THSD7B: variants seen among roughly 807,000 people sequenced by gnomAD.
THSD7B encodes thrombospondin type 1 domain containing 7B, also known as thrombospondin type-1 domain-containing protein 7B.
A neutral mutation model predicts 213.6 loss-of-function variants in THSD7B; 138 were observed. The ratio of observed to expected loss-of-function variants is 0.65; its 90% CI spans 0.56 to 0.74. The LOEUF (loss-of-function observed/expected upper bound fraction) is 0.74. THSD7B is among the 30% of genes least tolerant of loss of function. The probability of loss-of-function intolerance (pLI) is 0.00; values close to 1 mark genes in which losing one functional copy is unlikely to be tolerated. For missense variants in THSD7B, 1,931 were observed against 1,991.5 expected (o/e 0.97, Z 0.58); for synonymous variants, 742 against 687.0 (o/e 1.08, Z -1.25).
chr2:137,412,621 C>CAAAAAAAAA (rs199913921), intron 14 of THSD7B, among the ~76,000 whole-genome samples: 1 of 103,804 alleles, frequency 9.6e-6, no homozygotes, highest in Non-Finnish European at 1.9e-5. Flanking sequence ...CAAAAAAAAA[C>CAAAAAAAAA]AAAAAACAGT....
chr2:136,799,444 T>G (rs1415828750), intron 1 of THSD7B, among the ~76,000 whole-genome samples: 1 of 152,042 alleles, frequency 6.6e-6, no homozygotes, highest in Non-Finnish European at 1.5e-5. Flanking sequence ...TCCATTTTTT[T>G]GTAATCCATC....
intron 12 of THSD7B, among the ~76,000 whole-genome samples, chr2:137,334,926 T>C (rs909717939): frequency 2.6e-5 from 4 of 152,190 alleles, no homozygotes; most frequent in Non-Finnish European, 4.4e-5. Context: ...GATGGTTTTA[T>C]AAGCATCTGG....
At chr2:136,854,636 A>G (rs992176455) in intron 1 of THSD7B, among the ~76,000 whole-genome samples, 2 of 151,684 alleles carry the variant, frequency 1.3e-5, no homozygotes, top group South Asian at 2.1e-4. Flanking sequence ...GGAAAGGGAT[A>G]AGAAAGAAAG....
chr2:137,598,702 A>G (rs1682013169), intron 17 of THSD7B, among the ~76,000 whole-genome samples: 1 of 152,222 alleles, frequency 6.6e-6, no homozygotes, highest in Non-Finnish European at 1.5e-5. Context: ...GAACAGTTGT[A>G]CCATAAATCA....
chr2:136,807,523 T>TTTTTTTTTTTTTTTTG (rs1682304786), intron 1 of THSD7B, among the ~76,000 whole-genome samples: 1 of 148,056 alleles, frequency 6.8e-6, no homozygotes, highest in African/African-American at 2.5e-5. Flanking sequence ...TTTTTTTTTT[T>TTTTTTTTTTTTTTTTG]TTGAGACGGA....
At chr2:136,904,881 G>A (rs522431) in intron 2 of THSD7B, among the ~76,000 whole-genome samples, 65,306 of 152,076 alleles carry the variant, frequency 0.43, 15,616 homozygotes, top group Non-Finnish European at 0.55. Flanking sequence ...TTTTGTTTTT[G>A]CTCTTCTGAG....
chr2:136,872,931 T>C (rs948739888), intron 1 of THSD7B, among the ~76,000 whole-genome samples: 7 of 143,298 alleles, frequency 4.9e-5, no homozygotes, highest in Non-Finnish European at 9.0e-5. Context: ...GTTGCATAAC[T>C]GCTAAATTGC....
At chr2:137,452,139 ATTC>A in intron 15 of THSD7B, 1 of 458,734 alleles carries the variant, frequency 2.2e-6, no homozygotes, top group Non-Finnish European at 2.9e-6. Flanking sequence ...TTAAAAAAAA[ATTC>A]AACAAGATAT....
intron 14 of THSD7B, among the ~76,000 whole-genome samples, chr2:137,433,743 C>T (rs1042565956): frequency 1.0e-5 from 1 of 95,654 alleles, no homozygotes. Flanking sequence ...ATGACATTTA[C>T]ATTAAAATAA....
intron 14 of THSD7B, among the ~76,000 whole-genome samples, chr2:137,449,187 G>A (rs1038471089): frequency 1.3e-5 from 2 of 152,230 alleles, no homozygotes; most frequent in East Asian, 1.9e-4. Context: ...ATTATTCTGG[G>A]CCAGAAATGG....
At chr2:137,396,622 GA>G (rs1314938334) in intron 12 of THSD7B, among the ~76,000 whole-genome samples, 7 of 139,220 alleles carry the variant, frequency 5.0e-5, no homozygotes, top group African/African-American at 1.6e-4. Context: ...GTGTGGTGCT[GA>G]AAAAAATGTA....
chr2:136,930,767 A>C, intron 2 of THSD7B, among the ~76,000 whole-genome samples: 1 of 152,222 alleles, frequency 6.6e-6, no homozygotes, highest in East Asian at 1.9e-4. Flanking sequence ...GATATTTTAA[A>C]GAATCGGCCT....
At chr2:137,208,797 G>GGTA (rs999697843) in intron 7 of THSD7B, among the ~76,000 whole-genome samples, 1 of 152,078 alleles carries the variant, frequency 6.6e-6, no homozygotes, top group African/African-American at 2.4e-5. Flanking sequence ...CATGGGGCTG[G>GGTA]GTAGAGTCAG....
chr2:137,512,323 GT>G (rs1254872607), intron 15 of THSD7B: 1 of 148,212 alleles, frequency 6.7e-6, no homozygotes, highest in African/African-American at 2.5e-5. Flanking sequence ...ATCATTCATG[GT>G]ATCAGAATAT....
chr2:137,633,490 G>C (rs979105108), intron 20 of THSD7B, among the ~76,000 whole-genome samples: 4 of 152,222 alleles, frequency 2.6e-5, no homozygotes, highest in East Asian at 1.9e-4. Context: ...CTAATAACTA[G>C]AGCGTAGTAT....
At chr2:136,928,677 A>G (rs1377636086) in intron 2 of THSD7B, among the ~76,000 whole-genome samples, 1 of 152,238 alleles carries the variant, frequency 6.6e-6, no homozygotes, top group African/African-American at 2.4e-5. Flanking sequence ...TAATTGAATG[A>G]TATGCATCTT....
At chr2:137,239,846 G>A (rs1424388810) in intron 9 of THSD7B, among the ~76,000 whole-genome samples, 2 of 152,186 alleles carry the variant, frequency 1.3e-5, no homozygotes, top group Non-Finnish European at 2.9e-5. Flanking sequence ...TTTGGAGGCT[G>A]AAAGTCCGTG....
chr2:137,156,694 A>T (rs1679916818), intron 5 of THSD7B, among the ~76,000 whole-genome samples: 2 of 152,174 alleles, frequency 1.3e-5, no homozygotes, highest in Admixed American at 1.3e-4. Context: ...TGACAAACGC[A>T]GCTTCAGAAC....
At chr2:137,350,033 G>T (rs1413857185) in intron 12 of THSD7B, among the ~76,000 whole-genome samples, 1 of 151,726 alleles carries the variant, frequency 6.6e-6, no homozygotes, top group Non-Finnish European at 1.5e-5. Context: ...TTATGTATTA[G>T]ATATTTCTCA....
Sources: gnomAD v4.1 joint callset for allele counts (sites outside exome capture counted in the v4.1 genomes callset) on GRCh38, gnomAD v4.1.1 for gene constraint, MANE v1.5 for transcripts, NCBI Gene and HGNC (gene_info 2026-07-23, HGNC 2026-07-21) for gene names.